Variants in AFG2A observed in about 807,000 individuals in gnomAD.
The protein encoded by AFG2A is AAA ATPase AFG2A.
At chr4:123,001,934 T>A in the AFG2A span, among the ~76,000 whole-genome samples, 4 of 152,110 alleles carry the variant, frequency 2.6e-5, no homozygotes, top group African/African-American at 7.2e-5. Flanking sequence ...ACTGTGTGGG[T>A]GTCTAAGTCT....
At chr4:122,959,841 A>G in the AFG2A span, among the ~76,000 whole-genome samples, 4 of 152,164 alleles carry the variant, frequency 2.6e-5, no homozygotes, top group African/African-American at 9.7e-5. Flanking sequence ...ATTCCAGGTT[A>G]CTAAGTATTT....
chr4:123,145,832 C>G, the AFG2A span, among the ~76,000 whole-genome samples: 1 of 151,990 alleles, frequency 6.6e-6, no homozygotes, highest in Non-Finnish European at 1.5e-5. Flanking sequence ...GAAAACTGGA[C>G]TACGAACTTT....
At chr4:122,934,382 C>T in the AFG2A span, 1 of 1,614,194 alleles carries the variant, frequency 6.2e-7, no homozygotes, top group South Asian at 1.1e-5. Flanking sequence ...ACAAATAAAG[C>T]CAGTGATGTT....
chr4:123,235,967 A>G, the AFG2A span, among the ~76,000 whole-genome samples: 1 of 152,214 alleles, frequency 6.6e-6, no homozygotes, highest in Non-Finnish European at 1.5e-5. Context: ...AAGCAGAGTT[A>G]CCAGTATTTG....
At chr4:123,105,482 G>T in the AFG2A span, among the ~76,000 whole-genome samples, 1 of 152,180 alleles carries the variant, frequency 6.6e-6, no homozygotes, top group South Asian at 2.1e-4. Context: ...CAAGTCTTAT[G>T]ATATAAGAAA....
the AFG2A span, among the ~76,000 whole-genome samples, chr4:123,301,593 A>G: frequency 6.6e-6 from 1 of 152,234 alleles, no homozygotes; most frequent in East Asian, 1.9e-4. Context: ...TGAGTATGAC[A>G]TGCATAAAAT....
At chr4:123,106,066 C>CT in the AFG2A span, among the ~76,000 whole-genome samples, 21 of 151,252 alleles carry the variant, frequency 1.4e-4, no homozygotes, top group African/African-American at 4.1e-4. Flanking sequence ...TTATTGTTGT[C>CT]TTTTTTTTTA....
At chr4:123,138,340 A>G in the AFG2A span, among the ~76,000 whole-genome samples, 2 of 152,060 alleles carry the variant, frequency 1.3e-5, no homozygotes, top group African/African-American at 4.8e-5. Flanking sequence ...CCTGTATTTT[A>G]CTTAAGATAA....
the AFG2A span, among the ~76,000 whole-genome samples, chr4:123,284,069 T>A: frequency 6.6e-6 from 1 of 152,192 alleles, no homozygotes; most frequent in African/African-American, 2.4e-5. Flanking sequence ...GGAAATACAT[T>A]TTAATTTTCC....
At chr4:122,946,841 G>T in the AFG2A span, among the ~76,000 whole-genome samples, 1 of 152,128 alleles carries the variant, frequency 6.6e-6, no homozygotes, top group African/African-American at 2.4e-5. Context: ...TCAGAATCCT[G>T]ACTTTCAAGT....
the AFG2A span, among the ~76,000 whole-genome samples, chr4:123,215,537 T>G: frequency 6.6e-6 from 1 of 152,106 alleles, no homozygotes; most frequent in Admixed American, 6.6e-5. Context: ...GCCATTATCA[T>G]CAGTATATGA....
chr4:123,233,885 CA>C, the AFG2A span, among the ~76,000 whole-genome samples: 4 of 152,034 alleles, frequency 2.6e-5, no homozygotes, highest in Non-Finnish European at 5.9e-5. Flanking sequence ...ACAATTCAAG[CA>C]AAACCTTTGG....
At chr4:123,097,276 A>G in the AFG2A span, among the ~76,000 whole-genome samples, 1 of 152,070 alleles carries the variant, frequency 6.6e-6, no homozygotes, top group African/African-American at 2.4e-5. Flanking sequence ...CTCAGAAGAA[A>G]GGCTACAAAT....
chr4:123,204,722 G>T, the AFG2A span, among the ~76,000 whole-genome samples: 1 of 152,076 alleles, frequency 6.6e-6, no homozygotes, highest in Middle Eastern at 3.2e-3. Flanking sequence ...TATCTCATAG[G>T]GTTTTAAAGA....
the AFG2A span, among the ~76,000 whole-genome samples, chr4:123,311,352 G>T: frequency 6.6e-6 from 1 of 152,084 alleles, no homozygotes; most frequent in East Asian, 1.9e-4. Context: ...AGCAGGCTGG[G>T]CTCGGGGGCT....
chr4:123,081,180 G>A, the AFG2A span, among the ~76,000 whole-genome samples: 24 of 152,292 alleles, frequency 1.6e-4, no homozygotes, highest in East Asian at 3.7e-3. Context: ...TTGGATGAAT[G>A]TGTAATAACA....
At chr4:122,934,390 G>A in the AFG2A span, 15 of 1,614,100 alleles carry the variant, frequency 9.3e-6, no homozygotes, top group South Asian at 1.1e-5. Context: ...AGCCAGTGAT[G>A]TTTTGCTGGA....
At chr4:122,950,954 A>G in the AFG2A span, among the ~76,000 whole-genome samples, 2 of 152,210 alleles carry the variant, frequency 1.3e-5, no homozygotes, top group Non-Finnish European at 2.9e-5. Flanking sequence ...ATTCTTTGCT[A>G]TGGCCCAAAG....
At chr4:123,223,774 T>C in the AFG2A span, among the ~76,000 whole-genome samples, 1 of 152,192 alleles carries the variant, frequency 6.6e-6, no homozygotes, top group Non-Finnish European at 1.5e-5. Context: ...GGGGTATTTT[T>C]TAAATTGAGT....
Sources: allele counts gnomAD v4.1 joint callset (sites outside exome capture counted in the v4.1 genomes callset), GRCh38; gene constraint gnomAD v4.1.1; transcripts MANE v1.5; gene names NCBI Gene and HGNC (gene_info 2026-07-23, HGNC 2026-07-21).